The following BAZ2B variants were observed in gnomAD, a reference collection of about 807,000 sequenced individuals.
BAZ2B encodes the protein bromodomain adjacent to zinc finger domain 2B, also known as bromodomain adjacent to zinc finger domain protein 2B.
BAZ2B carries 91 observed loss-of-function variants against 246.0 expected under a neutral mutation model. The observed-to-expected ratio is 0.37, with a 90% CI of 0.31 to 0.44. The LOEUF (loss-of-function observed/expected upper bound fraction) is 0.44. BAZ2B is among the 20% of genes least tolerant of loss of function. BAZ2B has a pLI of 1.00. For synonymous variants in BAZ2B, 855 were observed against 860.0 expected (o/e 0.99, Z 0.10); for missense variants, 2,332 against 2,533.7 (o/e 0.92, Z 1.71).
chr2:159,317,810 C>T (rs1221538975), downstream of BAZ2B, among the ~76,000 whole-genome samples: 1 of 151,662 alleles, frequency 6.6e-6, no homozygotes, highest in Admixed American at 6.6e-5. Context: ...TGAGAATAAG[C>T]CCAACCAAGG....
chr2:159,576,769 C>T (rs1417296237), intron 1 of BAZ2B, among the ~76,000 whole-genome samples: 2 of 151,520 alleles, frequency 1.3e-5, no homozygotes, highest in African/African-American at 2.4e-5. Flanking sequence ...AAAAATTAGC[C>T]GGGCATGGTG....
At chr2:159,611,108 T>C (rs1461101539) in intron 1 of BAZ2B, among the ~76,000 whole-genome samples, 1 of 151,958 alleles carries the variant, frequency 6.6e-6, no homozygotes, top group African/African-American at 2.4e-5. Context: ...CAGAAAAAAC[T>C]GTAAATCAAA....
chr2:159,444,118 C>A (rs1409080771), intron 6 of BAZ2B: 2 of 151,984 alleles, frequency 1.3e-5, no homozygotes, highest in Non-Finnish European at 2.9e-5. Flanking sequence ...TGTCTGGCAT[C>A]AGAGAAACTG....
chr2:159,519,452 G>C (rs1399447878), intron 2 of BAZ2B, among the ~76,000 whole-genome samples: 5 of 147,462 alleles, frequency 3.4e-5, no homozygotes, highest in African/African-American at 9.9e-5. Context: ...GGATGGTCTC[G>C]ATCTCCTGAC....
intron 31 of BAZ2B, among the ~76,000 whole-genome samples, chr2:159,344,534 C>CA (rs35387556): frequency 0.55 from 76,302 of 137,836 alleles, 22,043 homozygotes; most frequent in East Asian, 0.94. Context: ...AACTCCGTCT[C>CA]AAAAAAAAAA....
chr2:159,491,407 C>T (rs1472805611), intron 2 of BAZ2B, among the ~76,000 whole-genome samples: 3 of 152,210 alleles, frequency 2.0e-5, no homozygotes, highest in Middle Eastern at 3.4e-3. Context: ...AAAATTAACT[C>T]TCTAATTGAT....
At chr2:159,660,023 T>C in the BAZ2B span, among the ~76,000 whole-genome samples, 47,650 of 152,130 alleles carry the variant, frequency 0.31, 9,423 homozygotes, top group Admixed American at 0.48. Flanking sequence ...AGCACATTCA[T>C]AATTTTGTGC....
chr2:159,632,454 A>G, the BAZ2B span, among the ~76,000 whole-genome samples: 1 of 152,242 alleles, frequency 6.6e-6, no homozygotes, highest in Non-Finnish European at 1.5e-5. Flanking sequence ...AAATTTATTT[A>G]TTAAAAACAA....
At chr2:159,511,074 G>A (rs569890482) in intron 2 of BAZ2B, among the ~76,000 whole-genome samples, 1 of 152,216 alleles carries the variant, frequency 6.6e-6, no homozygotes, top group South Asian at 2.1e-4. Flanking sequence ...GGACCCAGTA[G>A]CCCTCTATGT....
chr2:159,618,533 G>A (rs938636960), upstream of BAZ2B, among the ~76,000 whole-genome samples: 1 of 151,996 alleles, frequency 6.6e-6, no homozygotes, highest in Non-Finnish European at 1.5e-5. Context: ...AATGCACTTA[G>A]TATCTAAGAC....
intron 13 of BAZ2B, among the ~76,000 whole-genome samples, chr2:159,416,039 A>T (rs2067651155): frequency 6.6e-6 from 1 of 152,152 alleles, no homozygotes; most frequent in Admixed American, 6.6e-5. Flanking sequence ...TGTGCTCCTG[A>T]CCACTATGGG....
chr2:159,692,346 CG>C, the BAZ2B span, among the ~76,000 whole-genome samples: 1 of 151,834 alleles, frequency 6.6e-6, no homozygotes, highest in African/African-American at 2.4e-5. Context: ...TTAGTAGAGA[CG>C]GGGTTTCACC....
At chr2:159,555,018 C>CA (rs2088876851) in intron 2 of BAZ2B, among the ~76,000 whole-genome samples, 2 of 150,930 alleles carry the variant, frequency 1.3e-5, no homozygotes, top group African/African-American at 4.9e-5. Context: ...AAGCAAGATG[C>CA]CTAAAAACTC....
chr2:159,454,799 C>T (rs1370528299), intron 3 of BAZ2B, among the ~76,000 whole-genome samples: 2 of 152,102 alleles, frequency 1.3e-5, no homozygotes, highest in African/African-American at 4.8e-5. Flanking sequence ...ATATAAAAAT[C>T]ATTTTTAGCT....
chr2:159,326,021 TA>T, intron 34 of BAZ2B, 103 bp from the exon 35 acceptor site: 2 of 994,274 alleles, frequency 2.0e-6, no homozygotes, highest in Non-Finnish European at 2.8e-6. Context: ...GTAAAAAGAA[TA>T]ACTCTGATCT....
intron 2 of BAZ2B, among the ~76,000 whole-genome samples, chr2:159,550,529 TGC>T (rs2088026264): frequency 6.6e-6 from 1 of 152,112 alleles, no homozygotes; most frequent in East Asian, 1.9e-4. Flanking sequence ...TATACCTAGC[TGC>T]AAGGGAGACT....
intron 1 of BAZ2B, among the ~76,000 whole-genome samples, chr2:159,579,426 A>T (rs1055576230): frequency 6.6e-6 from 1 of 152,186 alleles, no homozygotes; most frequent in African/African-American, 2.4e-5. Flanking sequence ...AATTGAGGCA[A>T]TAATTAATAG....
At chr2:159,317,835 T>C (rs1452725810), downstream of BAZ2B, among the ~76,000 whole-genome samples, 2 of 152,064 alleles carry the variant, frequency 1.3e-5, no homozygotes, top group African/African-American at 2.4e-5. Context: ...TGGGAGTGCA[T>C]GAATCACTTA....
At chr2:159,623,509 T>C in the BAZ2B span, among the ~76,000 whole-genome samples, 7 of 152,188 alleles carry the variant, frequency 4.6e-5, no homozygotes, top group Admixed American at 4.6e-4. Flanking sequence ...ATTGCGGAGA[T>C]ACTGTTTCTC....
Sources: allele counts gnomAD v4.1 joint callset (sites outside exome capture counted in the v4.1 genomes callset), GRCh38; gene constraint gnomAD v4.1.1; transcripts MANE v1.5; gene names NCBI Gene and HGNC (gene_info 2026-07-23, HGNC 2026-07-21).